Variants in IDO2 observed in about 807,000 individuals in gnomAD.
The protein encoded by IDO2 is indoleamine 2,3-dioxygenase 2.
Under a neutral mutation model 45.1 loss-of-function variants are expected in IDO2, and 46 were observed. That is an observed-to-expected ratio of 1.02 (90% confidence interval 0.80 to 1.30). The LOEUF (loss-of-function observed/expected upper bound fraction) is 1.30. IDO2 is among the 50% of genes most tolerant of loss of function. The pLI is 0.00. For missense variants in IDO2, 544 were observed against 491.8 expected (o/e 1.11, Z -1.00); for synonymous variants, 218 against 184.9 (o/e 1.18, Z -1.45).
chr8:40,005,877 G>C (rs1403906802), intron 9 of IDO2, among the ~76,000 whole-genome samples: 2 of 152,176 alleles, frequency 1.3e-5, no homozygotes, highest in Non-Finnish European at 2.9e-5. Context: ...GGTTCTCTGG[G>C]AGGTGATTAT....
intron 3 of IDO2, among the ~76,000 whole-genome samples, chr8:39,975,283 G>A (rs1445629594): frequency 3.3e-5 from 5 of 151,240 alleles, no homozygotes; most frequent in African/African-American, 1.2e-4. Flanking sequence ...CAACATTGGA[G>A]TATTTTTATG....
chr8:40,011,951 A>G (rs1802316250), intron 9 of IDO2, among the ~76,000 whole-genome samples: 2 of 152,118 alleles, frequency 1.3e-5, no homozygotes, highest in African/African-American at 4.8e-5. Flanking sequence ...TGCTTTCTGT[A>G]CCGCATCTCT....
At chr8:39,941,835 A>G in intron 1 of IDO2, among the ~76,000 whole-genome samples, 1 of 152,186 alleles carries the variant, frequency 6.6e-6, no homozygotes, top group East Asian at 1.9e-4. Context: ...CTGTAATCCC[A>G]GCACTTTGGG....
chr8:39,972,104 C>T (rs1484896248), intron 3 of IDO2, among the ~76,000 whole-genome samples: 3 of 152,158 alleles, frequency 2.0e-5, no homozygotes, highest in East Asian at 3.9e-4. Context: ...GCCAACACCC[C>T]GGCTGCATGA....
chr8:39,961,242 A>C (rs1013226479), intron 2 of IDO2, among the ~76,000 whole-genome samples: 2 of 150,218 alleles, frequency 1.3e-5, no homozygotes, highest in Non-Finnish European at 3.0e-5. Context: ...ATATTCCCTC[A>C]CATGGCTTTA....
At chr8:39,995,408 G>A (rs973159840) in intron 8 of IDO2, among the ~76,000 whole-genome samples, 3 of 151,260 alleles carry the variant, frequency 2.0e-5, no homozygotes. Context: ...AGCCTCCCAA[G>A]TAACTGGGAT....
At chr8:40,005,476 A>G (rs1802207867) in intron 9 of IDO2, 98 bp downstream of exon 9, 1 of 687,248 alleles carries the variant, frequency 1.5e-6, no homozygotes, top group Non-Finnish European at 2.3e-6. Context: ...CGTAAGAAAC[A>G]TACCAAGTGA....
intron 8 of IDO2, among the ~76,000 whole-genome samples, chr8:39,999,712 C>T (rs1217226677): frequency 6.6e-6 from 1 of 152,236 alleles, no homozygotes; most frequent in Non-Finnish European, 1.5e-5. Context: ...CATCCACCAC[C>T]TTGGTCTCCC....
intron 9 of IDO2, among the ~76,000 whole-genome samples, chr8:40,006,909 C>T (rs1802232693): frequency 6.6e-6 from 1 of 152,110 alleles, no homozygotes; most frequent in South Asian, 2.1e-4. Flanking sequence ...GATCTGCCCA[C>T]CTTGGCCTCC....
intron 3 of IDO2, among the ~76,000 whole-genome samples, chr8:39,968,045 A>G (rs12681548): frequency 0.17 from 24,961 of 150,466 alleles, 2,650 homozygotes; most frequent in East Asian, 0.31. Flanking sequence ...AAATCCATAT[A>G]TGAATGTTTA....
At chr8:39,962,425 A>G (rs921731361) in intron 2 of IDO2, among the ~76,000 whole-genome samples, 1 of 152,146 alleles carries the variant, frequency 6.6e-6, no homozygotes, top group Non-Finnish European at 1.5e-5. Flanking sequence ...AAATCAAACC[A>G]TGTCACCAAC....
At chr8:40,014,301 T>G (rs1435525221) in intron 10 of IDO2, among the ~76,000 whole-genome samples, 1 of 152,196 alleles carries the variant, frequency 6.6e-6, no homozygotes, top group Non-Finnish European at 1.5e-5. Context: ...TCAAGTCACT[T>G]CTCTAAAACT....
intron 2 of IDO2, among the ~76,000 whole-genome samples, chr8:39,962,609 G>A (rs906415100): frequency 1.3e-5 from 2 of 152,138 alleles, no homozygotes; most frequent in African/African-American, 4.8e-5. Flanking sequence ...GAAGGGTGAG[G>A]ATGACGGAAT....
chr8:39,971,367 T>C (rs1322989382), intron 3 of IDO2, among the ~76,000 whole-genome samples: 2 of 152,212 alleles, frequency 1.3e-5, no homozygotes, highest in Admixed American at 1.3e-4. Flanking sequence ...TTATTAACAA[T>C]GCCTCTGGTC....
chr8:39,978,952 TA>T, intron 3 of IDO2, 114 bp from the exon 4 acceptor site: 1 of 929,690 alleles, frequency 1.1e-6, no homozygotes. Context: ...CATTAAAATA[TA>T]ACCCATTGCC....
intron 3 of IDO2, among the ~76,000 whole-genome samples, chr8:39,968,688 C>T (rs540394579): frequency 4.0e-4 from 60 of 150,886 alleles, no homozygotes; most frequent in African/African-American, 1.2e-3. Context: ...GAGAGGGGAA[C>T]ATCACACACC....
At chr8:39,991,672 G>A (rs1801932267) in intron 8 of IDO2, among the ~76,000 whole-genome samples, 1 of 149,652 alleles carries the variant, frequency 6.7e-6, no homozygotes, top group South Asian at 2.1e-4. Flanking sequence ...CCGGGTTCAA[G>A]CGATTCTCTT....
intron 1 of IDO2, among the ~76,000 whole-genome samples, chr8:39,944,523 G>C (rs1310325506): frequency 6.6e-6 from 1 of 152,170 alleles, no homozygotes; most frequent in Non-Finnish European, 1.5e-5. Context: ...CAAGGACTTA[G>C]CTTGTGCAAG....
intron 8 of IDO2, among the ~76,000 whole-genome samples, chr8:39,994,004 C>T (rs545433438): frequency 6.6e-6 from 1 of 151,738 alleles, no homozygotes. Context: ...GAGACTCTGT[C>T]CCCAAAAAAA....
Sources: allele counts gnomAD v4.1 joint callset (sites outside exome capture counted in the v4.1 genomes callset), GRCh38; gene constraint gnomAD v4.1.1; transcripts MANE v1.5; gene names NCBI Gene and HGNC (gene_info 2026-07-23, HGNC 2026-07-21).